NAALADL2: variants seen among roughly 807,000 people sequenced by gnomAD.
The protein encoded by NAALADL2 is N-acetylated alpha-linked acidic dipeptidase like 2, also known as inactive N-acetylated-alpha-linked acidic dipeptidase-like protein 2.
In NAALADL2, 76 loss-of-function variants were observed where a neutral mutation model predicts 87.2. That is an observed-to-expected ratio of 0.87 (90% CI 0.72 to 1.05). The LOEUF is 1.05. Among genes scored for constraint, NAALADL2 ranks in the 50% least tolerant of loss-of-function variants. NAALADL2 has a pLI of 0.00. For missense variants in NAALADL2, 1,089 were observed against 945.8 expected, an observed-to-expected ratio of 1.15 and a Z score of -1.99; for synonymous variants, 354 against 331.0, an observed-to-expected ratio of 1.07 and a Z score of -0.75.
chr3:174,485,360 C>G (rs1717786804), intron 1 of NAALADL2, among the ~76,000 whole-genome samples: 1 of 151,544 alleles, frequency 6.6e-6, no homozygotes, highest in Non-Finnish European at 1.5e-5. Context: ...AAACTTGTGT[C>G]ATGGGGGTTT....
chr3:175,394,920 C>G (rs1025174536), intron 5 of NAALADL2, among the ~76,000 whole-genome samples: 3 of 152,156 alleles, frequency 2.0e-5, no homozygotes, highest in African/African-American at 7.2e-5. Flanking sequence ...TTTTAGCAAT[C>G]TCAGCATGTG....
chr3:175,782,148 T>C (rs1447287113), intron 13 of NAALADL2, among the ~76,000 whole-genome samples: 36 of 150,096 alleles, frequency 2.4e-4, no homozygotes, highest in Non-Finnish European at 4.4e-4. Context: ...CTATTGTGAA[T>C]AATGCCTCAA....
At chr3:174,806,343 C>T (rs1719487108) in intron 3 of NAALADL2, among the ~76,000 whole-genome samples, 2 of 152,150 alleles carry the variant, frequency 1.3e-5, no homozygotes, top group African/African-American at 2.4e-5. Context: ...GAGAGTTGTC[C>T]TCAGTTGGGC....
chr3:174,822,007 G>T (rs1721478102), intron 3 of NAALADL2, among the ~76,000 whole-genome samples: 1 of 152,122 alleles, frequency 6.6e-6, no homozygotes, highest in African/African-American at 2.4e-5. Context: ...AAAGATAATG[G>T]TAGTAATAAA....
intron 3 of NAALADL2, among the ~76,000 whole-genome samples, chr3:174,844,008 G>A (rs1202265683): frequency 6.6e-6 from 1 of 152,088 alleles, no homozygotes; most frequent in Non-Finnish European, 1.5e-5. Flanking sequence ...CTATGCAAAA[G>A]CTTTTCAGTT....
chr3:175,286,038 T>A (rs918257778), intron 4 of NAALADL2, among the ~76,000 whole-genome samples: 1 of 152,156 alleles, frequency 6.6e-6, no homozygotes, highest in African/African-American at 2.4e-5. Flanking sequence ...GAATTTTTAT[T>A]CAGAAAGAGA....
chr3:174,835,767 A>T lies in NAALADL2; in HGVS notation c.-9+98021A>T, dbSNP rs185031281. On this transcript the variant is annotated intron_variant, in intron 3 of 3. Transcript: ENST00000434257. ...ATGTGAAAAGATACTCAACATCCCT[A>T]ATAATTAGGGAAATCCAAATCAAAA... Among the ~76,000 whole-genome samples, 7 of 152,302 alleles carry T rather than the reference A, an allele frequency of 4.6e-5. No homozygotes were observed. The East Asian group carries it at 1.4e-3, about 29-fold the overall frequency.
chr3:174,525,222 A>G (rs897595606), intron 1 of NAALADL2, among the ~76,000 whole-genome samples: 6 of 152,220 alleles, frequency 3.9e-5, no homozygotes, highest in African/African-American at 1.4e-4. Context: ...TCTTCTAGAG[A>G]ATTTGTCTTT....
chr3:175,378,742 G>GT (rs548630198), intron 5 of NAALADL2, among the ~76,000 whole-genome samples: 133 of 152,172 alleles, frequency 8.7e-4, no homozygotes, highest in African/African-American at 3.1e-3. Flanking sequence ...GACTCACCTT[G>GT]TTGCCTCATT....
chr3:174,668,475 G>A (rs910396498), intron 2 of NAALADL2, among the ~76,000 whole-genome samples: 11 of 152,188 alleles, frequency 7.2e-5, no homozygotes, highest in South Asian at 4.2e-4. Flanking sequence ...CAACGTGCAG[G>A]TTAGTTACAT....
At chr3:174,505,466 G>A (rs1560019560) in intron 1 of NAALADL2, among the ~76,000 whole-genome samples, 3 of 152,104 alleles carry the variant, frequency 2.0e-5, no homozygotes. Flanking sequence ...AAGATTCAAG[G>A]TTATCTTTCT....
In NAALADL2 at chr3:175,720,100, C is replaced by T. The variant is rs115165308; in HGVS notation, c.1897-17206C>T. Among the ~76,000 whole-genome samples the T allele has an allele frequency of 8.1e-3, 1,235 of 152,050 alleles. 8 individuals are homozygous for T. Among genetic ancestry groups the T allele is most frequent in the Non-Finnish European group, 0.01 (690 of 67,982 alleles). On this transcript the variant is annotated intron_variant, in intron 11 of 13. Coordinates refer to ENST00000454872, the MANE Select transcript of NAALADL2 (RefSeq NM_207015.3). ...ACCCTCTCAGCCATTTTTATTTCTT[C>T]GAAACAGACATAGACATATGTGCAC...
At chr3:174,903,930 A>G (rs1190679422) in intron 1 of NAALADL2, among the ~76,000 whole-genome samples, 2 of 151,628 alleles carry the variant, frequency 1.3e-5, no homozygotes, top group African/African-American at 4.9e-5. Context: ...TGGAAAGGAT[A>G]TTCTTCGCAG....
chr3:175,088,814 A>C (rs1201734852), intron 1 of NAALADL2, among the ~76,000 whole-genome samples: 1 of 152,192 alleles, frequency 6.6e-6, no homozygotes, highest in Admixed American at 6.5e-5. Flanking sequence ...GATAGCTCTC[A>C]AAGAGCCAAG....
chr3:174,748,324 AC>A (rs1734481918), intron 3 of NAALADL2, among the ~76,000 whole-genome samples: 1 of 117,566 alleles, frequency 8.5e-6, no homozygotes, highest in African/African-American at 3.0e-5. Context: ...AAAATAAATT[AC>A]ATTTTTTTTT....
intron 3 of NAALADL2, among the ~76,000 whole-genome samples, chr3:174,852,736 A>G (rs1406714609): frequency 6.6e-6 from 1 of 152,196 alleles, no homozygotes; most frequent in Non-Finnish European, 1.5e-5. Context: ...GTAGAACTAC[A>G]GAAGACTCAG....
intron 13 of NAALADL2, among the ~76,000 whole-genome samples, chr3:175,777,394 T>G (rs1750387783): frequency 6.6e-6 from 1 of 152,068 alleles, no homozygotes; most frequent in African/African-American, 2.4e-5. Context: ...CCTATGACAT[T>G]AAGTTATTTT....
At chr3:175,003,156 C>T (rs983496536) in intron 1 of NAALADL2, among the ~76,000 whole-genome samples, 1 of 152,122 alleles carries the variant, frequency 6.6e-6, no homozygotes, top group South Asian at 2.1e-4. Flanking sequence ...AATGTTTATG[C>T]CATGTACTTT....
intron 13 of NAALADL2, among the ~76,000 whole-genome samples, chr3:175,786,717 A>G (rs1296344617): frequency 2.6e-5 from 4 of 152,198 alleles, no homozygotes; most frequent in East Asian, 3.8e-4. Flanking sequence ...GTCATTCTCC[A>G]TCCAGCTTTG....
Sources: gnomAD v4.1 joint callset for allele counts (sites outside exome capture counted in the v4.1 genomes callset) on GRCh38, gnomAD v4.1.1 for gene constraint, MANE v1.5 for transcripts, NCBI Gene and HGNC (gene_info 2026-07-23, HGNC 2026-07-21) for gene names.